Variants in RPS6KC1 observed in about 807,000 individuals in gnomAD.
The protein encoded by RPS6KC1 is inactive ribosomal protein S6 kinase delta-1.
A neutral mutation model predicts 103.8 loss-of-function variants in RPS6KC1; 54 were observed. That is an observed-to-expected ratio of 0.52 (90% CI 0.42 to 0.65). The LOEUF is 0.65. Ranked by LOEUF, RPS6KC1 falls within the 30% of genes least tolerant of loss-of-function variation. The probability of loss-of-function intolerance (pLI) is 0.00; values close to 1 mark genes in which losing one functional copy is unlikely to be tolerated. For synonymous variants in RPS6KC1, 439 were observed against 438.7 expected (o/e 1.00, Z -0.01); for missense variants, 1,151 against 1,253.8 (o/e 0.92, Z 1.24).
intron 2 of RPS6KC1, among the ~76,000 whole-genome samples, chr1:213,073,828 A>C (rs1300098400): frequency 6.6e-6 from 1 of 152,034 alleles, no homozygotes; most frequent in Non-Finnish European, 1.5e-5. Context: ...GGTGCCCACC[A>C]CCACACCTGG....
At chr1:213,838,485 G>A in the RPS6KC1 span, among the ~76,000 whole-genome samples, 3 of 151,964 alleles carry the variant, frequency 2.0e-5, no homozygotes, top group African/African-American at 4.8e-5. Context: ...TAGATCATGA[G>A]GCAAAAAGTA....
At chr1:213,159,669 T>A (rs556134097) in intron 6 of RPS6KC1, among the ~76,000 whole-genome samples, 4 of 152,308 alleles carry the variant, frequency 2.6e-5, no homozygotes, top group Non-Finnish European at 5.9e-5. Context: ...AAGTGGGTGG[T>A]TTCTCGTCTA....
At chr1:213,844,340 G>A in the RPS6KC1 span, among the ~76,000 whole-genome samples, 1 of 152,100 alleles carries the variant, frequency 6.6e-6, no homozygotes, top group Admixed American at 6.6e-5. Flanking sequence ...TGAACATTAT[G>A]AGGCTTTTCT....
the RPS6KC1 span, among the ~76,000 whole-genome samples, chr1:213,392,884 T>A: frequency 6.6e-6 from 1 of 152,232 alleles, no homozygotes; most frequent in Non-Finnish European, 1.5e-5. Flanking sequence ...CAAGTTTCTG[T>A]ACCTAAAGTG....
rs529129312 is a variant in RPS6KC1 at position 213,232,063 on chromosome 1, G to A, written c.1093-60G>A. ...GGTTGATAAACACAGAGCACAGCAG[G>A]CTCCAAAGGCAACTGAGGATGCAAC... On this transcript the variant is annotated intron_variant, in intron 9 of 14. Transcript: ENST00000366960. 1.9e-6 allele frequency: 3 copies of A among 1,594,588 alleles called. No homozygotes were observed. In the African/African-American group the frequency reaches 4.0e-5, roughly 21 times the overall value.
At chr1:213,345,348 T>C in the RPS6KC1 span, among the ~76,000 whole-genome samples, 1 of 152,250 alleles carries the variant, frequency 6.6e-6, no homozygotes, top group Admixed American at 6.5e-5. Flanking sequence ...TCAAAGTTCC[T>C]TTCTGATAAC....
At chr1:213,420,786 C>T in the RPS6KC1 span, among the ~76,000 whole-genome samples, 1 of 152,174 alleles carries the variant, frequency 6.6e-6, no homozygotes. Flanking sequence ...GGTTTACTCT[C>T]ACACTTCCGG....
chr1:213,670,705 A>G, the RPS6KC1 span, among the ~76,000 whole-genome samples: 124,808 of 152,074 alleles, frequency 0.82, 51,435 homozygotes, highest in East Asian at 1. Flanking sequence ...TGGAAGCTGC[A>G]AAGTGCACCT....
intron 6 of RPS6KC1, among the ~76,000 whole-genome samples, chr1:213,133,773 G>A (rs550316518): frequency 6.6e-6 from 1 of 152,212 alleles, no homozygotes; most frequent in Non-Finnish European, 1.5e-5. Context: ...ATTTGCTCAA[G>A]GACACAAACT....
the RPS6KC1 span, among the ~76,000 whole-genome samples, chr1:213,307,411 T>C: frequency 1.3e-5 from 2 of 152,152 alleles, no homozygotes; most frequent in African/African-American, 4.8e-5. Flanking sequence ...ACTAACCATA[T>C]GCTCCTTCCC....
At chr1:213,807,568 G>A in the RPS6KC1 span, among the ~76,000 whole-genome samples, 3 of 151,964 alleles carry the variant, frequency 2.0e-5, no homozygotes, top group Admixed American at 6.5e-5. Flanking sequence ...CCAGTTGATC[G>A]CATCAGATCC....
At chr1:213,229,295 T>C (rs1352348525) in intron 8 of RPS6KC1, among the ~76,000 whole-genome samples, 1 of 152,208 alleles carries the variant, frequency 6.6e-6, no homozygotes, top group Non-Finnish European at 1.5e-5. Flanking sequence ...TCTCACCTTT[T>C]AAAAATTCTT....
At chr1:213,472,290 A>G in the RPS6KC1 span, among the ~76,000 whole-genome samples, 282 of 152,332 alleles carry the variant, frequency 1.9e-3, no homozygotes, top group African/African-American at 6.6e-3. Flanking sequence ...TGTCTGAATA[A>G]TTTCTATTAT....
chr1:213,066,933 T>C (rs1050955030), intron 1 of RPS6KC1, among the ~76,000 whole-genome samples: 7 of 152,144 alleles, frequency 4.6e-5, no homozygotes, highest in Non-Finnish European at 7.3e-5. Context: ...CCAACCTGCC[T>C]CCCATTCTCT....
chr1:213,722,056 C>A, the RPS6KC1 span, among the ~76,000 whole-genome samples: 44 of 152,264 alleles, frequency 2.9e-4, no homozygotes, highest in East Asian at 7.7e-3. Flanking sequence ...GAGGTCAGAT[C>A]TTGAGGGCCA....
chr1:213,662,672 G>A, the RPS6KC1 span, among the ~76,000 whole-genome samples: 4 of 151,984 alleles, frequency 2.6e-5, no homozygotes, highest in Non-Finnish European at 5.9e-5. Context: ...GAATGAAACC[G>A]TCAGCCTGGG....
chr1:213,704,256 G>A, the RPS6KC1 span, among the ~76,000 whole-genome samples: 9 of 150,956 alleles, frequency 6.0e-5, no homozygotes, highest in Admixed American at 1.3e-4. Flanking sequence ...GCGAGGTGGC[G>A]GGCGCCTGTA....
intron 1 of RPS6KC1, among the ~76,000 whole-genome samples, chr1:213,055,075 T>G (rs1431009313): frequency 6.6e-6 from 1 of 152,232 alleles, no homozygotes; most frequent in Non-Finnish European, 1.5e-5. Flanking sequence ...CTTATTTAAT[T>G]TACATTGAGT....
chr1:213,816,540 C>G, the RPS6KC1 span, among the ~76,000 whole-genome samples: 1 of 152,164 alleles, frequency 6.6e-6, no homozygotes, highest in Admixed American at 6.5e-5. Context: ...ATCCAGTGGT[C>G]AGATGACACA....
Sources: gnomAD v4.1 joint callset for allele counts (sites outside exome capture counted in the v4.1 genomes callset) on GRCh38, gnomAD v4.1.1 for gene constraint, MANE v1.5 for transcripts, NCBI Gene and HGNC (gene_info 2026-07-23, HGNC 2026-07-21) for gene names.